URB2: variants seen among roughly 807,000 people sequenced by gnomAD.
The protein encoded by URB2 is URB2 ribosome biogenesis homolog, also known as unhealthy ribosome biogenesis protein 2 homolog.
URB2 carries 86 observed loss-of-function variants against 120.9 expected under a neutral mutation model. The observed-to-expected ratio is 0.71, with a 90% CI of 0.60 to 0.85. The LOEUF is 0.85. Among genes scored for constraint, URB2 ranks in the 40% least tolerant of loss-of-function variants. The pLI is 0.00. For missense variants in URB2, 1,765 were observed against 1,836.5 expected, an observed-to-expected ratio of 0.96 and a Z score of 0.71; for synonymous variants, 755 against 758.4, an observed-to-expected ratio of 1.00 and a Z score of 0.07.
chr1:229,651,342 G>C lies in URB2; in HGVS notation c.4237+20G>C, dbSNP rs1666269000. 1 of 1,602,566 alleles carries C rather than the reference G, an allele frequency of 6.2e-7. No homozygotes were observed. Among genetic ancestry groups the C allele is most frequent in the Non-Finnish European group, 8.5e-7 (1 of 1,174,840 alleles). On this transcript the variant is annotated intron_variant, in intron 8 of 9. Transcript: ENST00000258243. ...ACAAAGGTAATTTGGAGTAACATCA[G>C]ACACAGTTTCAAATATATTCATCAT...
chr1:229,657,995 C>T (rs1666444136), intron 9 of URB2, among the ~76,000 whole-genome samples: 1 of 152,112 alleles, frequency 6.6e-6, no homozygotes, highest in South Asian at 2.1e-4. Flanking sequence ...TGATGCTCTA[C>T]CACTGCTTTG....
chr1:229,647,838 A>T, intron 7 of URB2, 86 bp downstream of exon 7: 6 of 1,523,362 alleles, frequency 3.9e-6, no homozygotes, highest in Non-Finnish European at 5.3e-6. Context: ...GCAAAACTTT[A>T]CTGTTGCAGG....
At chr1:229,639,509 G>A (rs1024354387) in intron 4 of URB2, among the ~76,000 whole-genome samples, 3 of 151,768 alleles carry the variant, frequency 2.0e-5, no homozygotes, top group Non-Finnish European at 2.9e-5. Context: ...TAATTTTTTT[G>A]TATTTTTTAG....
At chr1:229,630,937 G>A (rs772925650) in intron 2 of URB2, among the ~76,000 whole-genome samples, 18 of 139,064 alleles carry the variant, frequency 1.3e-4, no homozygotes, top group Non-Finnish European at 2.3e-4. Context: ...AGCCGAGATC[G>A]CGCCATTCCA....
chr1:229,654,476 G>A, intron 9 of URB2, 88 bp downstream of exon 9: 1 of 1,569,042 alleles, frequency 6.4e-7, no homozygotes, highest in Non-Finnish European at 8.7e-7. Flanking sequence ...GCGGTGTTCT[G>A]GATCTGACAG....
At chr1:229,642,371 T>TG (rs1419745663) in intron 4 of URB2, among the ~76,000 whole-genome samples, 1 of 152,168 alleles carries the variant, frequency 6.6e-6, no homozygotes, top group African/African-American at 2.4e-5. Context: ...AGAGAGATCA[T>TG]GGGTCCAGGG....
At chr1:229,631,946 G>A (rs972756833) in intron 2 of URB2, among the ~76,000 whole-genome samples, 5 of 152,136 alleles carry the variant, frequency 3.3e-5, no homozygotes, top group African/African-American at 1.2e-4. Context: ...TGCAATATCT[G>A]TATCTACAAG....
Position 229,654,327 on chromosome 1 carries a change from C to G in URB2, c.4316C>G (p.Ala1439Gly). Reference protein sequence around the residue: ...ERMYSHIAARAEEFAVFSPFM... With the variant: ...ERMYSHIAARGEEFAVFSPFM... ...ATGTACAGCCACATCGCCGCACGAGCTGAGGAGTTTGCTGTGTTTTCCCCA... is the reference window on the plus strand; with the variant it reads ...ATGTACAGCCACATCGCCGCACGAGGTGAGGAGTTTGCTGTGTTTTCCCCA... Residue 1439 changes from alanine (A) to glycine (G), a missense_variant, in exon 9 of 10, where the codon GCT (alanine) becomes GGT (glycine). Coordinates refer to ENST00000258243, the MANE Select transcript of URB2 (RefSeq NM_014777.4). The G allele has an allele frequency of 1.2e-6, 2 of 1,614,182 alleles. No homozygotes were observed. The highest frequency in any genetic ancestry group is 1.7e-6 in the Non-Finnish European group (2 of 1,180,038).
chr1:229,654,416 A>G, intron 9 of URB2, 28 bp downstream of exon 9: 2 of 1,614,012 alleles, frequency 1.2e-6, no homozygotes, highest in Non-Finnish European at 8.5e-7. Flanking sequence ...GTCTTTCACC[A>G]AGTACTGTGT....
chr1:229,638,220 T>A lies in URB2; in HGVS notation c.3607T>A (p.Phe1203Ile). Residue 1203 changes from phenylalanine (F) to isoleucine (I), a missense_variant, in exon 4 of 10, where the codon TTT (phenylalanine) becomes ATT (isoleucine). Transcript: ENST00000258243. ...AAAGGACTCCGTGTTTACCTCCATG[T>A]TTCATTCTGTGAGAAGAGTTCTTGC... ...PKKDSVFTSM[F>I]HSVRRVLADP... The A allele has an allele frequency of 6.2e-7, 1 of 1,608,476 alleles. No individual in the cohort carries two copies. The highest frequency in any genetic ancestry group is 8.5e-7 in the Non-Finnish European group (1 of 1,177,080).
chr1:229,626,670 A>G (rs1426912383), intron 1 of URB2, among the ~76,000 whole-genome samples: 1 of 152,194 alleles, frequency 6.6e-6, no homozygotes, highest in African/African-American at 2.4e-5. Context: ...TTGCCCGGTA[A>G]GGGCGGTTGG....
At position 229,635,076 on chromosome 1, in the gene URB2, T is replaced by C. The variant is rs753994270; in HGVS notation, c.463T>C (p.Trp155Arg). The C allele has an allele frequency of 6.2e-7, 1 of 1,614,046 alleles. No individual in the cohort carries two copies. Among genetic ancestry groups the C allele is most frequent in the Non-Finnish European group, 8.5e-7 (1 of 1,179,944 alleles). Residue 155 changes from tryptophan (W) to arginine (R), a missense_variant, in exon 4 of 10, where the codon TGG becomes CGG. By Grantham distance (101) the Trp-to-Arg change is moderately radical. Transcript: ENST00000258243. ...GGTGGCCTTGCTGAGCCAGCTTTGC[T>C]GGTCGGCCTGCAGGCAGCCCGAAGG... ...LMVALLSQLC[W>R]SACRQPEGAV... is the part of the protein sequence containing the mutation.
In URB2 at chr1:229,629,599, A is replaced by G. The variant is rs115259959; in HGVS notation, c.126+1840A>G. ...TATCTTAATTTTAAAAAATTGCCCA[A>G]AAATGCTAGTGGTTATTGGTTATCT... is the stretch of plus-strand genomic sequence containing the variant. On this transcript the variant is annotated intron_variant, in intron 2 of 9. Coordinates refer to ENST00000258243, the MANE Select transcript of URB2 (RefSeq NM_014777.4). 3.5e-3 allele frequency among the ~76,000 whole-genome samples: 529 copies of G among 152,352 alleles called. 4 individuals carry two copies. Among genetic ancestry groups the G allele is most frequent in the African/African-American group, 0.012 (502 of 41,580 alleles).
At chr1:229,657,617 T>C (rs372743205) in intron 9 of URB2, among the ~76,000 whole-genome samples, 4 of 152,304 alleles carry the variant, frequency 2.6e-5, no homozygotes, top group South Asian at 4.1e-4. Context: ...TTTGTCTGTT[T>C]TTCGTTTTGT....
In URB2 at chr1:229,636,518, A is replaced by G. The variant is rs982450875; in HGVS notation, c.1905A>G (p.Ile635Met). ...SQYHSMSGPL[I>M]GVALEISNLP... ...ATCACTCTATGTCTGGGCCCCTTAT[A>G]GGTGTTGCTCTGGAGATCTCGAACC... Residue 635 changes from isoleucine to methionine, a missense_variant, in exon 4 of 10, where the codon ATA (isoleucine) becomes ATG (methionine). Physicochemically the swap from Ile to Met is conservative, Grantham distance 10. Transcript: ENST00000258243. The G allele has an allele frequency of 2.5e-6, 4 of 1,614,078 alleles. No individual in the cohort carries two copies. In the African/African-American group the frequency reaches 5.3e-5, roughly 22 times the overall value.
chr1:229,630,671 ACTTCT>A (rs1268285339), intron 2 of URB2, among the ~76,000 whole-genome samples: 2 of 152,086 alleles, frequency 1.3e-5, no homozygotes, highest in East Asian at 1.9e-4. Context: ...CCAGGCATTG[ACTTCT>A]CTTCTCTAGC....
chr1:229,647,648 A>G lies in URB2; in HGVS notation c.4045A>G (p.Ile1349Val). ...CCACCACGTCAGCCTGGCCTTCAGC[A>G]TCCTTCTCACTGTCCCTTTGGACCA... The part of the protein sequence containing the change: ...NPHHVSLAFS[I>V]LLTVPLDHLK... The change falls in exon 7 of 10, where the codon ATC becomes GTC. Residue 1349 changes from isoleucine (I) to valine (V), a missense_variant. Transcript: ENST00000258243. The G allele has an allele frequency of 6.2e-7, 1 of 1,614,150 alleles. No homozygotes were observed. The highest frequency in any genetic ancestry group is 8.5e-7 in the Non-Finnish European group (1 of 1,180,028).
rs1305835873 is a variant in URB2 at position 229,635,769 on chromosome 1, C to G, written c.1156C>G (p.Gln386Glu). 1 of 1,614,212 alleles carries G rather than the reference C, an allele frequency of 6.2e-7. No individual in the cohort carries two copies. The highest frequency in any genetic ancestry group is 1.1e-5 in the South Asian group (1 of 91,088). The change falls in exon 4 of 10, where the codon CAG becomes GAG. Residue 386 changes from glutamine (Q) to glutamate (E), a missense_variant. Physicochemically the swap from Gln to Glu is conservative, Grantham distance 29. Coordinates refer to ENST00000258243, the MANE Select transcript of URB2 (RefSeq NM_014777.4). ...AADRIRHEEA[Q>E]FRFYRHVAEL... The stretch of plus-strand genomic sequence containing the variant: ...CGACAGAATTCGGCACGAAGAGGCT[C>G]AGTTCCGCTTTTACCGCCACGTGGC...
At chr1:229,627,317 T>G (rs1039985698) in intron 1 of URB2, among the ~76,000 whole-genome samples, 8 of 152,248 alleles carry the variant, frequency 5.3e-5, no homozygotes, top group African/African-American at 1.9e-4. Context: ...TTTGGCCTTG[T>G]TGAATTCCTG....
Sources: gnomAD v4.1 joint callset for allele counts (sites outside exome capture counted in the v4.1 genomes callset) on GRCh38, gnomAD v4.1.1 for gene constraint, MANE v1.5 for transcripts, NCBI Gene and HGNC (gene_info 2026-07-23, HGNC 2026-07-21) for gene names.